GATA4: variants seen among roughly 807,000 people sequenced by gnomAD.
GATA4 encodes the protein transcription factor GATA-4.
In GATA4, 7 loss-of-function variants were observed where a neutral mutation model predicts 37.9. The observed-to-expected ratio is 0.18, with a 90% CI of 0.11 to 0.35. The LOEUF (loss-of-function observed/expected upper bound fraction) is 0.35, where lower values mean the gene tolerates loss of function less well. Ranked by LOEUF, GATA4 falls within the 10% of genes least tolerant of loss-of-function variation. GATA4 has a pLI of 1.00. For synonymous variants in GATA4, 372 were observed against 292.6 expected (o/e 1.27, Z -2.77); for missense variants, 647 against 653.0 (o/e 0.99, Z 0.10).
At chr8:11,757,730 G>A (rs754972188) in intron 6 of GATA4, among the ~76,000 whole-genome samples, 3 of 152,216 alleles carry the variant, frequency 2.0e-5, no homozygotes, top group African/African-American at 4.8e-5. Context: ...TCCCTCTGGC[G>A]GAGGACGATG....
chr8:11,747,435 T>C (rs1407616861), intron 2 of GATA4, among the ~76,000 whole-genome samples: 3 of 152,178 alleles, frequency 2.0e-5, no homozygotes, highest in East Asian at 3.8e-4. Context: ...TTGTGGTAGC[T>C]GGGGAGATGC....
chr8:11,728,655 C>G lies in GATA4; in HGVS notation c.616+19727C>G, dbSNP rs779835734. The stretch of plus-strand genomic sequence containing the variant: ...CCTTCAACTCTTGGGCTCAAGCAAT[C>G]CTCCTTCCTCAGCCTCCAAAAATGG... On this transcript the variant is annotated intron_variant, in intron 2 of 6. Coordinates refer to ENST00000532059, the MANE Select transcript of GATA4 (RefSeq NM_001308093.3). 3.9e-5 allele frequency among the ~76,000 whole-genome samples: 6 copies of G among 152,160 alleles called. No individual in the cohort carries two copies. The East Asian group carries it at 1.2e-3, about 29-fold the overall frequency.
At chr8:11,702,092 G>T (rs907296544), upstream of GATA4, among the ~76,000 whole-genome samples, 1 of 152,160 alleles carries the variant, frequency 6.6e-6, no homozygotes, top group African/African-American at 2.4e-5. This position sits in a 1 kb window ranked among gnomAD's most constrained non-coding sequence, Gnocchi z 4.4. Flanking sequence ...GGAGGGCGAG[G>T]GTGAAGGATC....
upstream of GATA4, among the ~76,000 whole-genome samples, chr8:11,701,695 A>C (rs1332475986): frequency 6.6e-6 from 1 of 152,038 alleles, no homozygotes; most frequent in African/African-American, 2.4e-5. Flanking sequence ...CCTTGGGGAG[A>C]AAGTTGGGGC....
At chr8:11,691,984 C>G, upstream of GATA4, 1 of 984,328 alleles carries the variant, frequency 1.0e-6, no homozygotes, top group Non-Finnish European at 1.2e-6. Context: ...TGACTTTCTC[C>G]TTTAATTCTC....
At position 11,749,101 on chromosome 8, in the gene GATA4, G is replaced by A. The variant is rs200555437; in HGVS notation, c.786+16G>A. On this transcript the variant is annotated intron_variant, in intron 3 of 6. Coordinates refer to ENST00000532059, the MANE Select transcript of GATA4 (RefSeq NM_001308093.3). The surrounding 1 kb of genome is among the most constrained non-coding windows in gnomAD (Gnocchi z 4.6). The stretch of plus-strand genomic sequence containing the variant: ...GCGCCGGCTGGTAAGCACGTGCCTC[G>A]CAGCCTCCTCTGGGCACCTGGCTGC... The A allele has an allele frequency of 8.1e-5, 131 of 1,613,244 alleles. No homozygotes were observed. The highest frequency in any genetic ancestry group is 1.1e-4 in the South Asian group (10 of 91,054).
intron 2 of GATA4, among the ~76,000 whole-genome samples, chr8:11,723,445 C>G (rs971266967): frequency 2.6e-5 from 4 of 152,102 alleles, no homozygotes; most frequent in Non-Finnish European, 4.4e-5. Context: ...CTAGAGGGAA[C>G]TTGCTTAAAC....
At chr8:11,754,576 C>G (rs1210778169) in intron 4 of GATA4, among the ~76,000 whole-genome samples, 2 of 152,172 alleles carry the variant, frequency 1.3e-5, no homozygotes, top group Non-Finnish European at 2.9e-5. Context: ...TTTGAACAGT[C>G]TGTCTCTGCT....
chr8:11,689,330 A>T (rs938135649), upstream of GATA4, among the ~76,000 whole-genome samples: 1 of 152,254 alleles, frequency 6.6e-6, no homozygotes, highest in Non-Finnish European at 1.5e-5. Context: ...ACTTATACAT[A>T]GAGTGACCAC....
Position 11,709,583 on chromosome 8 carries a change from G to T in GATA4, c.616+655G>T, listed in dbSNP as rs937767308. On this transcript the variant is annotated intron_variant, in intron 2 of 6. Transcript: ENST00000532059. The surrounding 1 kb of genome is among the most constrained non-coding windows in gnomAD (Gnocchi z 4.3). ...GCGCATCATGCGGGCAGCGGGGGGG[G>T]GGGCGCACACGCCCGGTCAGTGTCC... Among the ~76,000 whole-genome samples, 1 of 151,928 alleles carries T rather than the reference G, an allele frequency of 6.6e-6. No homozygotes were observed. Among genetic ancestry groups the T allele is most frequent in the African/African-American group, 2.4e-5 (1 of 41,406 alleles).
At chr8:11,724,803 C>T (rs1800839191) in intron 2 of GATA4, among the ~76,000 whole-genome samples, 1 of 152,214 alleles carries the variant, frequency 6.6e-6, no homozygotes, top group Non-Finnish European at 1.5e-5. Context: ...AGGCCTAACC[C>T]AGCCTTGGGA....
chr8:11,758,018 C>G (rs748240027), intron 6 of GATA4, among the ~76,000 whole-genome samples: 1 of 152,196 alleles, frequency 6.6e-6, no homozygotes, highest in Non-Finnish European at 1.5e-5. Flanking sequence ...CTCCTGTAAC[C>G]ATCAGAGCCT....
At position 11,709,690 on chromosome 8, in the gene GATA4, C is replaced by G. The variant is rs1380479607; in HGVS notation, c.616+762C>G. ...TTGCAGTCGCTTGCACGCGTGGAGC[C>G]TCCTCTTCTCGCGTGGGCCAGGGTT... On this transcript the variant is annotated intron_variant, in intron 2 of 6. Coordinates refer to ENST00000532059, the MANE Select transcript of GATA4 (RefSeq NM_001308093.3). The surrounding 1 kb of genome is among the most constrained non-coding windows in gnomAD (Gnocchi z 4.3). 6.6e-6 allele frequency among the ~76,000 whole-genome samples: 1 copy of G among 152,150 alleles called. No homozygotes were observed. Among genetic ancestry groups the G allele is most frequent in the Non-Finnish European group, 1.5e-5 (1 of 68,040 alleles).
chr8:11,682,924 T>G (rs1282821050), intron 1 of GATA4: 2 of 295,648 alleles, frequency 6.8e-6, no homozygotes, highest in Non-Finnish European at 1.0e-5. Flanking sequence ...TAGTAGCTAG[T>G]TTCCACACCG....
chr8:11,746,895 T>A (rs780308729), intron 2 of GATA4, among the ~76,000 whole-genome samples: 3 of 152,250 alleles, frequency 2.0e-5, no homozygotes, highest in Non-Finnish European at 4.4e-5. Flanking sequence ...CACTGTTTAC[T>A]TGGTGTGGAC....
chr8:11,710,482 C>T (rs1800128540), intron 2 of GATA4, among the ~76,000 whole-genome samples: 1 of 149,682 alleles, frequency 6.7e-6, no homozygotes, highest in South Asian at 2.1e-4. Flanking sequence ...GAGATCGAGA[C>T]CATCCTGGCC....
intron 2 of GATA4, among the ~76,000 whole-genome samples, chr8:11,742,536 G>T (rs1801798779): frequency 6.6e-6 from 1 of 152,192 alleles, no homozygotes; most frequent in African/African-American, 2.4e-5. Flanking sequence ...AGAAGCAGAG[G>T]CCTTGGACTC....
intron 1 of GATA4, chr8:11,697,919 T>TC: frequency 1.0e-6 from 1 of 985,380 alleles, no homozygotes; most frequent in South Asian, 4.7e-5. Context: ...GACCCACCAG[T>TC]CCCCTGATGT....
chr8:11,727,492 G>T (rs1220014330), intron 2 of GATA4, among the ~76,000 whole-genome samples: 2 of 152,266 alleles, frequency 1.3e-5, no homozygotes, highest in East Asian at 3.9e-4. Context: ...AGTTGATAAG[G>T]AGAGGCACTA....
Sources: gnomAD v4.1 joint callset for allele counts (sites outside exome capture counted in the v4.1 genomes callset) on GRCh38, gnomAD v4.1.1 for gene constraint, Gnocchi (gnomAD v3.1) non-coding constraint, MANE v1.5 for transcripts, NCBI Gene and HGNC (gene_info 2026-07-23, HGNC 2026-07-21) for gene names.